The following PNPLA1 variants were observed in gnomAD, a reference collection of about 807,000 sequenced individuals.
PNPLA1 encodes patatin like domain 1, omega-hydroxyceramide transacylase, also known as omega-hydroxyceramide transacylase.
PNPLA1 carries 36 observed loss-of-function variants against 51.7 expected under a neutral mutation model. That is an observed-to-expected ratio of 0.70 (90% CI 0.53 to 0.92). The LOEUF (loss-of-function observed/expected upper bound fraction) is 0.92. PNPLA1 is among the 40% of genes least tolerant of loss of function. The pLI is 0.00. For synonymous variants in PNPLA1, 293 were observed against 280.1 expected, an observed-to-expected ratio of 1.05 and a Z score of -0.46; for missense variants, 658 against 682.5, an observed-to-expected ratio of 0.96 and a Z score of 0.40.
chr6:36,297,468 T>C (rs973640304), intron 5 of PNPLA1, among the ~76,000 whole-genome samples: 3 of 152,290 alleles, frequency 2.0e-5, no homozygotes, highest in Admixed American at 6.5e-5. Context: ...TCCCCTGGGC[T>C]GCTTTCTGGG....
chr6:36,284,558 TCC>T (rs1770419331), intron 1 of PNPLA1, among the ~76,000 whole-genome samples: 2 of 46,176 alleles, frequency 4.3e-5, no homozygotes, highest in Non-Finnish European at 1.2e-4. Flanking sequence ...CATCCACTCA[TCC>T]ATCCATCCAT....
chr6:36,254,549 T>C (rs1240866533), intron 1 of PNPLA1, among the ~76,000 whole-genome samples: 8 of 150,260 alleles, frequency 5.3e-5, no homozygotes, highest in African/African-American at 1.7e-4. Context: ...CATTCCAGCA[T>C]AGGCGACGGA....
Position 36,294,544 on chromosome 6 carries a change from G to A in PNPLA1, c.714+145G>A. The A allele has an allele frequency of 1.4e-6, 1 of 721,704 alleles. No individual in the cohort carries two copies. The highest frequency in any genetic ancestry group is 2.3e-6 in the Non-Finnish European group (1 of 441,078). The allele number at this position is 721,704 out of a possible 1,614,324, so 44.7% of individuals were successfully genotyped here. A position where few individuals can be genotyped will look rare whatever the true frequency, so the allele number is the denominator to read the frequency against. On this transcript the variant is annotated intron_variant, in intron 4 of 8. Transcript: ENST00000636260. The surrounding 1 kb of genome is among the most constrained non-coding windows in gnomAD (Gnocchi z 4.2). ...AAACTTCCTCCTAGACCTGCATCCT[G>A]GCCTTGCTGCTAACTAGCTATGTGA... is the stretch of plus-strand genomic sequence containing the variant.
chr6:36,289,612 G>GA (rs11360510), intron 1 of PNPLA1, among the ~76,000 whole-genome samples: 11 of 148,888 alleles, frequency 7.4e-5, no homozygotes, highest in Non-Finnish European at 1.0e-4. Flanking sequence ...CTGAAGGTTC[G>GA]AAAAAAAAAA....
Position 36,294,132 on chromosome 6 carries a change from C to T in PNPLA1, c.505-58C>T, listed in dbSNP as rs768723117. 6.3e-6 allele frequency: 10 copies of T among 1,593,468 alleles called. No individual in the cohort carries two copies. The highest frequency in any genetic ancestry group is 5.6e-5 in the South Asian group (5 of 88,912). ...TATCCCATGGGCCATTTCGATGTAC[C>T]CCGAGTGGGGCTGAGAACTCTGGCC... On this transcript the variant is annotated intron_variant, in intron 3 of 8. Coordinates refer to ENST00000636260, the MANE Select transcript of PNPLA1 (RefSeq NM_001374623.1). This position sits in a 1 kb window ranked among gnomAD's most constrained non-coding sequence, Gnocchi z 4.2.
intron 1 of PNPLA1, among the ~76,000 whole-genome samples, chr6:36,290,298 G>A (rs1445309999): frequency 6.6e-6 from 1 of 152,210 alleles, no homozygotes; most frequent in African/African-American, 2.4e-5. Flanking sequence ...TTTTCCCAAA[G>A]GCTTGCACAG....
At position 36,270,328 on chromosome 6, in the gene PNPLA1, C is replaced by G. The variant is rs1484520451; in HGVS notation, c.-132C>G. 1.1e-6 allele frequency: 1 copy of G among 920,296 alleles called. No homozygotes were observed. Among genetic ancestry groups the G allele is most frequent in the Non-Finnish European group, 1.7e-6 (1 of 594,856 alleles). 57.0% of individuals were successfully genotyped at this position (920,296 alleles called of 1,614,324 possible). ...TGTGGTTGCTCCAGCCGGGTAGAGA[C>G]AGCCACATTCCAAGCTCCGGGGTGG... On this transcript the variant is annotated 5_prime_UTR_variant, in exon 1 of 9. Coordinates refer to ENST00000636260, the MANE Select transcript of PNPLA1 (RefSeq NM_001374623.1).
intron 1 of PNPLA1, among the ~76,000 whole-genome samples, chr6:36,258,311 T>C (rs922060374): frequency 1.3e-5 from 2 of 152,194 alleles, no homozygotes; most frequent in African/African-American, 4.8e-5. Flanking sequence ...CAGAGCTCTG[T>C]CCTCTGGTTT....
chr6:36,283,320 T>C (rs947686335), intron 1 of PNPLA1, among the ~76,000 whole-genome samples: 1 of 152,252 alleles, frequency 6.6e-6, no homozygotes, highest in African/African-American at 2.4e-5. Flanking sequence ...CATTGTTTTC[T>C]TTGCTTCACT....
At chr6:36,309,064 G>A (rs1472240728) in intron 8 of PNPLA1, among the ~76,000 whole-genome samples, 2 of 152,148 alleles carry the variant, frequency 1.3e-5, no homozygotes, top group East Asian at 1.9e-4. Flanking sequence ...CTTGTCCCAA[G>A]TGGGGTCCCT....
chr6:36,300,386 G>GCA, intron 5 of PNPLA1, among the ~76,000 whole-genome samples: 1 of 151,990 alleles, frequency 6.6e-6, no homozygotes, highest in Non-Finnish European at 1.5e-5. Context: ...AGTAGAGATG[G>GCA]GGTTTCACCG....
Position 36,295,373 on chromosome 6 carries a change from G to T in PNPLA1, c.724G>T (p.Asp242Tyr). 2 of 1,614,160 alleles carry T rather than the reference G, an allele frequency of 1.2e-6. No individual in the cohort carries two copies. Residue 242 changes from aspartate to tyrosine, a missense_variant, in exon 5 of 9, where the codon GAT becomes TAT. Physicochemically the swap from Asp to Tyr is radical, Grantham distance 160. Transcript: ENST00000636260. The part of the protein sequence containing the change: ...LFPPDLVILH[D>Y]YYYRGYEDAV... ...GTGCCTCCGCCCACAGATCCTGCACGATTACTACTACCGAGGGTACGAGGA... is the reference window on the plus strand; with the variant it reads ...GTGCCTCCGCCCACAGATCCTGCACTATTACTACTACCGAGGGTACGAGGA...
At chr6:36,309,557 C>A (rs1771342105) in intron 8 of PNPLA1, among the ~76,000 whole-genome samples, 1 of 152,166 alleles carries the variant, frequency 6.6e-6, no homozygotes, top group South Asian at 2.1e-4. Context: ...GGGAACTGTG[C>A]AATTCAGCAA....
intron 1 of PNPLA1, among the ~76,000 whole-genome samples, chr6:36,248,876 A>C (rs1371306382): frequency 1.3e-5 from 2 of 152,136 alleles, no homozygotes; most frequent in Non-Finnish European, 2.9e-5. Flanking sequence ...ATTGAGAAGA[A>C]CTTCATCTTC....
At chr6:36,262,065 C>T (rs1219248243) in intron 1 of PNPLA1, among the ~76,000 whole-genome samples, 1 of 152,222 alleles carries the variant, frequency 6.6e-6, no homozygotes, top group African/African-American at 2.4e-5. Flanking sequence ...TCCTTCTCCA[C>T]TGGGGAGGGG....
At chr6:36,258,447 T>G (rs1469693623) in intron 1 of PNPLA1, among the ~76,000 whole-genome samples, 1 of 152,336 alleles carries the variant, frequency 6.6e-6, no homozygotes, top group Non-Finnish European at 1.5e-5. Context: ...TATTCCCTTC[T>G]TCCAAGTATT....
intron 1 of PNPLA1, among the ~76,000 whole-genome samples, chr6:36,271,616 C>A (rs972031226): frequency 2.6e-5 from 4 of 152,166 alleles, no homozygotes; most frequent in Non-Finnish European, 4.4e-5. Flanking sequence ...GTCAGGGAAG[C>A]CTTTCTGAGG....
At chr6:36,252,532 C>T (rs547419110) in intron 1 of PNPLA1, among the ~76,000 whole-genome samples, 5 of 51,236 alleles carry the variant, frequency 9.8e-5, no homozygotes, top group South Asian at 8.9e-4. Context: ...GTGTACATGG[C>T]AAAAGGGGTC....
At chr6:36,282,089 G>GAAAGAAAGAAAGAAAGAAAGA (rs59827619) in intron 1 of PNPLA1, among the ~76,000 whole-genome samples, 1 of 66,842 alleles carries the variant, frequency 1.5e-5, no homozygotes, top group Non-Finnish European at 3.1e-5. Context: ...AAGAAAGAAA[G>GAAAGAAAGAAAGAAAGAAAGA]AAGGAAGGAA....
Sources: gnomAD v4.1 joint callset for allele counts (sites outside exome capture counted in the v4.1 genomes callset) on GRCh38, gnomAD v4.1.1 for gene constraint, Gnocchi (gnomAD v3.1) non-coding constraint, MANE v1.5 for transcripts, NCBI Gene and HGNC (gene_info 2026-07-23, HGNC 2026-07-21) for gene names.